CSMD1: variants seen among roughly 807,000 people sequenced by gnomAD.
The protein encoded by CSMD1 is CUB and sushi domain-containing protein 1.
In CSMD1, 213 loss-of-function variants were observed where a neutral mutation model predicts 417.5. The observed-to-expected ratio is 0.51, with a 90% confidence interval of 0.46 to 0.57. The LOEUF is 0.57. Ranked by LOEUF, CSMD1 falls within the 20% of genes least tolerant of loss-of-function variation. The probability of loss-of-function intolerance (pLI) is 0.00; values close to 1 mark genes in which losing one functional copy is unlikely to be tolerated. For missense variants in CSMD1, 6,923 were observed against 4,529.7 expected (o/e 1.53, Z -15.17); for synonymous variants, 2,862 against 1,736.8 (o/e 1.65, Z -16.11).
At chr8:4,585,355 T>C (rs1482763362) in intron 2 of CSMD1, among the ~76,000 whole-genome samples, 1 of 151,952 alleles carries the variant, frequency 6.6e-6, no homozygotes, top group Non-Finnish European at 1.5e-5. Context: ...ATTAGAGAAC[T>C]AGAAAAAAGG....
At chr8:3,389,115 T>C (rs972189054) in intron 17 of CSMD1, among the ~76,000 whole-genome samples, 12 of 152,172 alleles carry the variant, frequency 7.9e-5, no homozygotes, top group Non-Finnish European at 1.6e-4. Flanking sequence ...GTTGTTGTTG[T>C]TTGTTTACTT....
At chr8:4,711,093 T>C (rs1049974838) in intron 1 of CSMD1, among the ~76,000 whole-genome samples, 3 of 151,748 alleles carry the variant, frequency 2.0e-5, no homozygotes, top group Non-Finnish European at 4.4e-5. Flanking sequence ...AACAGTCTTA[T>C]GTAAATAGCA....
At chr8:3,368,341 T>A (rs1361718726) in intron 19 of CSMD1, among the ~76,000 whole-genome samples, 1 of 152,046 alleles carries the variant, frequency 6.6e-6, no homozygotes, top group East Asian at 1.9e-4. Flanking sequence ...AGACTCTTGT[T>A]TATTTTATTT....
chr8:4,584,701 C>A (rs1216627092), intron 2 of CSMD1, among the ~76,000 whole-genome samples: 1 of 152,132 alleles, frequency 6.6e-6, no homozygotes, highest in Non-Finnish European at 1.5e-5. Context: ...GCCAGACTTG[C>A]CCATCTATCC....
chr8:3,107,032 A>T (rs1347800312), intron 45 of CSMD1: 1 of 159,028 alleles, frequency 6.3e-6, no homozygotes, highest in Non-Finnish European at 1.4e-5. Flanking sequence ...GGTACTTAGC[A>T]CAATGTTCCA....
intron 5 of CSMD1, among the ~76,000 whole-genome samples, chr8:3,983,235 A>G (rs1041971532): frequency 6.7e-6 from 1 of 149,012 alleles, no homozygotes; most frequent in African/African-American, 2.5e-5. Context: ...GGTTCACGCC[A>G]TTCTCCTGCC....
chr8:4,107,568 T>C (rs1009762489), intron 3 of CSMD1, among the ~76,000 whole-genome samples: 75 of 152,220 alleles, frequency 4.9e-4, no homozygotes, highest in Non-Finnish European at 2.6e-4. Context: ...ACCTGCTGGC[T>C]TCTAATTATA....
At position 3,781,130 on chromosome 8, in the gene CSMD1, G is replaced by A. The variant is rs531064329; in HGVS notation, c.819-27088C>T. ...AGAAGCCAAAAACACCTTCAGCTTT[G>A]GAGTTCATGATCAAGGTTGTCCAAA... is the stretch of plus-strand genomic sequence containing the variant. On this transcript the variant is annotated intron_variant, in intron 5 of 69. Transcript: ENST00000635120. Among the ~76,000 whole-genome samples, 7 of 152,236 alleles carry A rather than the reference G, an allele frequency of 4.6e-5. No homozygotes were observed. The South Asian group carries it at 1.2e-3, about 27-fold the overall frequency.
intron 5 of CSMD1, among the ~76,000 whole-genome samples, chr8:3,769,419 G>A (rs1214077402): frequency 1.7e-5 from 2 of 120,896 alleles, no homozygotes; most frequent in African/African-American, 5.3e-5. Context: ...GAATATGTCA[G>A]ATACATCCAA....
chr8:3,677,161 A>G (rs1799418516), intron 7 of CSMD1, among the ~76,000 whole-genome samples: 1 of 152,132 alleles, frequency 6.6e-6, no homozygotes, highest in African/African-American at 2.4e-5. Context: ...CCAGAACTTA[A>G]AGTAAAATAA....
chr8:3,449,261 C>T (rs1280060157), intron 12 of CSMD1, among the ~76,000 whole-genome samples: 1 of 152,132 alleles, frequency 6.6e-6, no homozygotes, highest in South Asian at 2.1e-4. Flanking sequence ...CAGGCTTATT[C>T]TGAAAAATAT....
intron 63 of CSMD1, among the ~76,000 whole-genome samples, chr8:2,956,516 C>T (rs533870137): frequency 4.6e-5 from 7 of 151,834 alleles, no homozygotes; most frequent in African/African-American, 9.7e-5. Flanking sequence ...TGCAGTGGCA[C>T]GATCTCCGCT....
At chr8:3,725,978 G>C (rs546633428) in intron 6 of CSMD1, among the ~76,000 whole-genome samples, 99 of 152,276 alleles carry the variant, frequency 6.5e-4, no homozygotes, top group African/African-American at 2.3e-3. Context: ...GGAAGTAATT[G>C]TGTGTGACTA....
At chr8:3,461,461 A>G (rs1167727874) in intron 12 of CSMD1, among the ~76,000 whole-genome samples, 4 of 152,154 alleles carry the variant, frequency 2.6e-5, no homozygotes, top group Non-Finnish European at 5.9e-5. Context: ...GGAACTGAGG[A>G]GGGGAAGCAG....
At chr8:3,660,163 G>C (rs943344159) in intron 7 of CSMD1, among the ~76,000 whole-genome samples, 1 of 152,144 alleles carries the variant, frequency 6.6e-6, no homozygotes, top group Non-Finnish European at 1.5e-5. Context: ...GTAATGAGAG[G>C]CTATTATACT....
At chr8:4,314,034 AATG>A (rs1057391188) in intron 3 of CSMD1, among the ~76,000 whole-genome samples, 4 of 150,740 alleles carry the variant, frequency 2.7e-5, no homozygotes, top group Admixed American at 2.0e-4. Flanking sequence ...TAATAATAAT[AATG>A]ATAATAATAA....
intron 12 of CSMD1, among the ~76,000 whole-genome samples, chr8:3,439,023 G>A (rs1162055811): frequency 2.0e-5 from 3 of 147,104 alleles, no homozygotes; most frequent in African/African-American, 5.0e-5. Context: ...CCAGGAGGCT[G>A]AGGCAGGGAG....
At chr8:4,122,303 G>C (rs1379904057) in intron 3 of CSMD1, among the ~76,000 whole-genome samples, 2 of 152,074 alleles carry the variant, frequency 1.3e-5, no homozygotes, top group Admixed American at 6.6e-5. Context: ...TCATAAGACA[G>C]CTTTGATGAC....
Position 4,857,398 on chromosome 8 carries a change from G to T in CSMD1, c.85+136934C>A, listed in dbSNP as rs565609027. Among the ~76,000 whole-genome samples, 672 of 151,820 alleles carry T rather than the reference G, an allele frequency of 4.4e-3. 3 individuals carry two copies. The highest frequency in any genetic ancestry group is 7.4e-3 in the Non-Finnish European group (505 of 67,950). The stretch of plus-strand genomic sequence containing the variant: ...AAACACATTCAAAAGCTAGCAGAAG[G>T]CAAGAAATAACTAAAATCAGAACAG... On this transcript the variant is annotated intron_variant, in intron 1 of 69. Transcript: ENST00000635120.
Sources: allele counts gnomAD v4.1 joint callset (sites outside exome capture counted in the v4.1 genomes callset), GRCh38; gene constraint gnomAD v4.1.1; transcripts MANE v1.5; gene names NCBI Gene and HGNC (gene_info 2026-07-23, HGNC 2026-07-21).